ST3GAL3: variants seen among roughly 807,000 people sequenced by gnomAD.
ST3GAL3 encodes ST3 beta-galactoside alpha-2,3-sialyltransferase 3, also known as CMP-N-acetylneuraminate-beta-1,4-galactoside alpha-2,3-sialyltransferase.
A neutral mutation model predicts 50.1 loss-of-function variants in ST3GAL3; 21 were observed. That is an observed-to-expected ratio of 0.42 (90% CI 0.30 to 0.60). ST3GAL3 has a LOEUF of 0.60. ST3GAL3 is among the 20% of genes least tolerant of loss of function. The pLI, the probability that ST3GAL3 is intolerant of heterozygous loss-of-function variation, is 0.19. For synonymous variants in ST3GAL3, 183 were observed against 190.0 expected (o/e 0.96, Z 0.30); for missense variants, 353 against 489.4 (o/e 0.72, Z 2.63).
intron 9 of ST3GAL3, among the ~76,000 whole-genome samples, chr1:43,906,528 CT>C (rs2079761354): frequency 7.3e-6 from 1 of 137,560 alleles, no homozygotes; most frequent in East Asian, 2.3e-4. Flanking sequence ...TCCTGCTCCT[CT>C]TCCTGCCACT....
At chr1:43,905,765 C>T (rs147671612) in intron 9 of ST3GAL3, among the ~76,000 whole-genome samples, 2,564 of 103,226 alleles carry the variant, frequency 0.025, 139 homozygotes, top group South Asian at 0.052. Flanking sequence ...CCTCCTCCTG[C>T]TCCTCTTCCT....
intron 5 of ST3GAL3, among the ~76,000 whole-genome samples, chr1:43,854,740 A>G (rs77902762): frequency 0.043 from 6,525 of 152,254 alleles, 167 homozygotes; most frequent in East Asian, 0.13. Context: ...TTTCCAACAA[A>G]TCTAATCAGC....
At chr1:43,882,209 T>G (rs2154257480) in intron 5 of ST3GAL3, among the ~76,000 whole-genome samples, 1 of 152,200 alleles carries the variant, frequency 6.6e-6, no homozygotes, top group South Asian at 2.1e-4. Flanking sequence ...GAGCAGAAGT[T>G]CAGCATGTGA....
intron 1 of ST3GAL3, chr1:43,727,154 T>C (rs568362020): frequency 6.6e-6 from 1 of 152,346 alleles, no homozygotes; most frequent in East Asian, 1.9e-4. Context: ...CTCCTCAGGC[T>C]GATTCCTTTT....
intron 5 of ST3GAL3, among the ~76,000 whole-genome samples, chr1:43,877,700 C>A (rs1408038303): frequency 6.6e-6 from 1 of 152,138 alleles, no homozygotes. Context: ...GGAACTTGAA[C>A]CCTCCTGTAA....
intron 2 of ST3GAL3, among the ~76,000 whole-genome samples, chr1:43,758,498 C>T (rs1187064060): frequency 6.6e-6 from 1 of 152,084 alleles, no homozygotes; most frequent in Non-Finnish European, 1.5e-5. Flanking sequence ...AGTGATTCTC[C>T]TTCCTTGCCT....
At chr1:43,835,188 A>G (rs1299007461) in intron 4 of ST3GAL3, among the ~76,000 whole-genome samples, 1 of 152,168 alleles carries the variant, frequency 6.6e-6, no homozygotes, top group African/African-American at 2.4e-5. Context: ...TGATTTGATC[A>G]GACATCTGTG....
intron 9 of ST3GAL3, among the ~76,000 whole-genome samples, chr1:43,905,147 C>T (rs2079057981): frequency 7.0e-6 from 1 of 142,282 alleles, no homozygotes; most frequent in Non-Finnish European, 1.5e-5. Context: ...TCCTGCTCCT[C>T]TTCCCACCAC....
intron 4 of ST3GAL3, among the ~76,000 whole-genome samples, chr1:43,821,274 AGCAT>A (rs531708589): frequency 6.6e-6 from 1 of 152,282 alleles, no homozygotes; most frequent in Admixed American, 6.5e-5. Flanking sequence ...TTTTATAATA[AGCAT>A]GACATATTGG....
intron 2 of ST3GAL3, chr1:43,772,825 CA>C (rs1695799237): frequency 6.5e-6 from 1 of 152,718 alleles, no homozygotes; most frequent in Admixed American, 6.5e-5. Flanking sequence ...CGGCTCACTG[CA>C]ACCTCTGCCT....
intron 5 of ST3GAL3, among the ~76,000 whole-genome samples, chr1:43,889,203 T>TACACACACACACACAC (rs59739550): frequency 2.7e-5 from 4 of 148,046 alleles, no homozygotes; most frequent in African/African-American, 9.9e-5. Context: ...GGAACAGGAA[T>TACACACACACACACAC]ACACACACAC....
chr1:43,794,110 A>G (rs1490226594), intron 3 of ST3GAL3, among the ~76,000 whole-genome samples: 1 of 151,934 alleles, frequency 6.6e-6, no homozygotes, highest in Non-Finnish European at 1.5e-5. Context: ...AAAAGAAGGA[A>G]AAAAGAGAGA....
intron 3 of ST3GAL3, chr1:43,801,632 ATTT>A (rs11400892): frequency 9.0e-4 from 195 of 215,598 alleles, no homozygotes; most frequent in South Asian, 2.2e-3. Flanking sequence ...AACATTTGTG[ATTT>A]TTTTTTTTTT....
intron 3 of ST3GAL3, among the ~76,000 whole-genome samples, chr1:43,813,903 GCACACACACA>G (rs57672840): frequency 0.075 from 9,406 of 125,770 alleles, 326 homozygotes; most frequent in Middle Eastern, 0.11. Context: ...ACGCACACAC[GCACACACACA>G]CACACACACA....
chr1:43,867,485 T>G (rs58536895), intron 5 of ST3GAL3, among the ~76,000 whole-genome samples: 7,744 of 152,200 alleles, frequency 0.051, 646 homozygotes, highest in African/African-American at 0.18. Flanking sequence ...AGATAGTCAT[T>G]TGTATATGTG....
Position 43,867,155 on chromosome 1 carries a change from G to A in ST3GAL3, c.303-27228G>A, listed in dbSNP as rs568057831. ...AAAATAAATAAAGCCATCAGATCTC[G>A]TGAGACTCATTCACTATGATGAGAA... On this transcript the variant is annotated intron_variant, in intron 5 of 11. Transcript: ENST00000347631. 6.3e-4 allele frequency among the ~76,000 whole-genome samples: 96 copies of A among 152,236 alleles called. 1 individual carries two copies. Among genetic ancestry groups the A allele is most frequent in the Admixed American group, 1.3e-3 (20 of 15,292 alleles).
chr1:43,778,938 C>T (rs1486616921), intron 2 of ST3GAL3, among the ~76,000 whole-genome samples: 2 of 151,298 alleles, frequency 1.3e-5, no homozygotes, highest in African/African-American at 2.4e-5. Context: ...TGAGCCACTG[C>T]GCCCGGCCAT....
chr1:43,738,261 A>T (rs1263734565), intron 2 of ST3GAL3: 2 of 152,212 alleles, frequency 1.3e-5, no homozygotes, highest in Admixed American at 6.5e-5. Flanking sequence ...CTTGGGCCGT[A>T]GGCTTCAGAA....
intron 4 of ST3GAL3, among the ~76,000 whole-genome samples, chr1:43,821,231 AT>A (rs1214632504): frequency 2.6e-5 from 4 of 152,192 alleles, no homozygotes; most frequent in Non-Finnish European, 5.9e-5. Context: ...GCTGGATAGC[AT>A]GAGCAACAGA....
Sources: gnomAD v4.1 joint callset for allele counts (sites outside exome capture counted in the v4.1 genomes callset) on GRCh38, gnomAD v4.1.1 for gene constraint, MANE v1.5 for transcripts, NCBI Gene and HGNC (gene_info 2026-07-23, HGNC 2026-07-21) for gene names.